The following DPYD variants were observed in gnomAD, a reference collection of about 807,000 sequenced individuals.
DPYD encodes dihydropyrimidine dehydrogenase, also known as dihydropyrimidine dehydrogenase [NADP(+)].
In DPYD, 109 loss-of-function variants were observed where a neutral mutation model predicts 116.2. The ratio of observed to expected loss-of-function variants is 0.94; its 90% CI spans 0.80 to 1.10. DPYD has a LOEUF of 1.10. Among genes scored for constraint, DPYD ranks in the 50% least tolerant of loss-of-function variants. The probability of loss-of-function intolerance (pLI) is 0.00; values close to 1 mark genes in which losing one functional copy is unlikely to be tolerated. For synonymous variants in DPYD, 440 were observed against 432.0 expected (o/e 1.02, Z -0.23); for missense variants, 1,302 against 1,254.5 (o/e 1.04, Z -0.57).
At chr1:97,229,582 ATATATATAC>A (rs1661450412) in intron 19 of DPYD, among the ~76,000 whole-genome samples, 1 of 69,798 alleles carries the variant, frequency 1.4e-5, no homozygotes, top group African/African-American at 4.7e-5. Flanking sequence ...ATATATATAT[ATATATATAC>A]TGATTTTAAT....
chr1:97,547,947 G>C (rs1651027469), intron 12 of DPYD, among the ~76,000 whole-genome samples: 1 of 152,170 alleles, frequency 6.6e-6, no homozygotes, highest in African/African-American at 2.4e-5. Context: ...GATACTATCA[G>C]TGTCAAGTCC....
chr1:97,879,283 A>G (rs1261377263), intron 2 of DPYD, among the ~76,000 whole-genome samples: 1 of 151,710 alleles, frequency 6.6e-6, no homozygotes, highest in African/African-American at 2.4e-5. Flanking sequence ...ATTTTTTTTT[A>G]TGGTGAGCAC....
At chr1:97,348,750 C>G (rs753956867) in intron 16 of DPYD, among the ~76,000 whole-genome samples, 42 of 152,074 alleles carry the variant, frequency 2.8e-4, no homozygotes, top group Non-Finnish European at 5.7e-4. Flanking sequence ...TAGAAAGTGG[C>G]CACTCTAGTA....
At chr1:97,654,673 T>C (rs1658795348) in intron 8 of DPYD, among the ~76,000 whole-genome samples, 2 of 151,656 alleles carry the variant, frequency 1.3e-5, no homozygotes, top group Non-Finnish European at 2.9e-5. Flanking sequence ...ATGTCCTTTA[T>C]AAAAATAAAG....
chr1:97,405,880 C>T (rs935535352), intron 14 of DPYD, among the ~76,000 whole-genome samples: 2 of 152,126 alleles, frequency 1.3e-5, no homozygotes, highest in African/African-American at 4.8e-5. Context: ...TTAAGAAAAA[C>T]AGAATGCTCT....
At chr1:97,900,734 A>G (rs1420755844) in intron 1 of DPYD, among the ~76,000 whole-genome samples, 4 of 151,814 alleles carry the variant, frequency 2.6e-5, no homozygotes. Flanking sequence ...AATATATCCA[A>G]TGCTCCTTTG....
chr1:97,282,768 T>C (rs959194187), intron 18 of DPYD, among the ~76,000 whole-genome samples: 2 of 152,186 alleles, frequency 1.3e-5, no homozygotes, highest in African/African-American at 4.8e-5. Context: ...CCCTTCTTTG[T>C]GTCCATGTGT....
At chr1:97,657,337 G>A (rs750293838) in intron 8 of DPYD, among the ~76,000 whole-genome samples, 1 of 152,036 alleles carries the variant, frequency 6.6e-6, no homozygotes, top group Non-Finnish European at 1.5e-5. Flanking sequence ...AACAAAATGA[G>A]TTATGACTTT....
At chr1:97,245,652 C>A (rs780268025) in intron 18 of DPYD, among the ~76,000 whole-genome samples, 2 of 151,934 alleles carry the variant, frequency 1.3e-5, no homozygotes, top group Non-Finnish European at 2.9e-5. Flanking sequence ...TGCCGATGAC[C>A]GGAGTTTCAT....
intron 8 of DPYD, among the ~76,000 whole-genome samples, chr1:97,665,635 C>T (rs1290617829): frequency 2.6e-5 from 4 of 152,102 alleles, no homozygotes; most frequent in African/African-American, 9.7e-5. Flanking sequence ...ATCACAAATT[C>T]TATTCAATAT....
intron 19 of DPYD, among the ~76,000 whole-genome samples, chr1:97,206,990 T>A (rs1294574282): frequency 6.6e-6 from 1 of 151,892 alleles, no homozygotes; most frequent in African/African-American, 2.4e-5. Flanking sequence ...ACAATAGGTA[T>A]CATCATTTGG....
chr1:97,324,005 T>G (rs1293960740), intron 16 of DPYD, among the ~76,000 whole-genome samples: 1 of 151,856 alleles, frequency 6.6e-6, no homozygotes. Context: ...AACCTCACAA[T>G]CAGAAAAGTG....
chr1:97,108,533 C>A (rs1239728809), intron 20 of DPYD, among the ~76,000 whole-genome samples: 1 of 152,086 alleles, frequency 6.6e-6, no homozygotes, highest in Non-Finnish European at 1.5e-5. Flanking sequence ...ATATGGATAT[C>A]ATGGATCATG....
intron 18 of DPYD, among the ~76,000 whole-genome samples, chr1:97,235,238 T>C (rs748212510): frequency 2.0e-5 from 3 of 152,244 alleles, no homozygotes; most frequent in Non-Finnish European, 4.4e-5. Context: ...AGACATGTTA[T>C]ACAAGTAGGT....
At chr1:97,340,992 A>G (rs1669561155) in intron 16 of DPYD, among the ~76,000 whole-genome samples, 1 of 152,188 alleles carries the variant, frequency 6.6e-6, no homozygotes, top group Non-Finnish European at 1.5e-5. Context: ...CCAACAGATG[A>G]CCTACCTCAC....
At position 97,212,975 on chromosome 1, in the gene DPYD, G is replaced by C. The variant is rs138702430; in HGVS notation, c.2443-19727C>G. On this transcript the variant is annotated intron_variant, in intron 19 of 22. Transcript: ENST00000370192. Reference sequence around the variant, plus strand: ...CAATAACAAACATTCATTTCTCACAGTTTTGGAGGCTAGGAAGACCAAGAT... The same window carrying C: ...CAATAACAAACATTCATTTCTCACACTTTTGGAGGCTAGGAAGACCAAGAT... 8.5e-3 allele frequency among the ~76,000 whole-genome samples: 1,292 copies of C among 152,224 alleles called. 6 individuals are homozygous for C. Among genetic ancestry groups the C allele is most frequent in the Non-Finnish European group, 0.012 (841 of 67,996 alleles).
intron 3 of DPYD, among the ~76,000 whole-genome samples, chr1:97,778,769 TC>T (rs1666567578): frequency 6.6e-6 from 1 of 152,054 alleles, no homozygotes; most frequent in Admixed American, 6.5e-5. Flanking sequence ...ATACTGAAAA[TC>T]AAAAGAGTAG....
chr1:97,251,605 G>A (rs544539887), intron 18 of DPYD, among the ~76,000 whole-genome samples: 2 of 151,942 alleles, frequency 1.3e-5, no homozygotes, highest in South Asian at 4.2e-4. Context: ...TGAGAGCAAT[G>A]CTTTTAAAGA....
intron 13 of DPYD, among the ~76,000 whole-genome samples, chr1:97,485,626 T>C (rs1224590530): frequency 9.8e-6 from 1 of 102,118 alleles, no homozygotes; most frequent in African/African-American, 3.2e-5. Flanking sequence ...ATTCATTGAA[T>C]TTTTTTATTA....
Sources: allele counts gnomAD v4.1 joint callset (sites outside exome capture counted in the v4.1 genomes callset), GRCh38; gene constraint gnomAD v4.1.1; transcripts MANE v1.5; gene names NCBI Gene and HGNC (gene_info 2026-07-23, HGNC 2026-07-21).